RFX6: variants seen among roughly 807,000 people sequenced by gnomAD.
RFX6 encodes the protein DNA-binding protein RFX6.
Under a neutral mutation model 110.8 loss-of-function variants are expected in RFX6, and 50 were observed. That is an observed-to-expected ratio of 0.45 (90% CI 0.36 to 0.57). The LOEUF is 0.57. RFX6 is among the 20% of genes least tolerant of loss of function. The pLI is 0.00. For missense variants in RFX6, 990 were observed against 1,127.0 expected (o/e 0.88, Z 1.74); for synonymous variants, 383 against 411.2 (o/e 0.93, Z 0.83).
At position 116,919,380 on chromosome 6, in the gene RFX6, T is replaced by C. The variant is rs914729205; in HGVS notation, c.1182+84T>C. ...AGAAGGACAGATTGAGGAACTTTCA[T>C]AGATTGAAGGGAGCTAAGTAGACAA... On this transcript the variant is annotated intron_variant, in intron 11 of 18. Coordinates refer to ENST00000332958, the MANE Select transcript of RFX6 (RefSeq NM_173560.4). The C allele has an allele frequency of 1.5e-5, 19 of 1,260,146 alleles. No individual in the cohort carries two copies. The South Asian group carries it at 1.8e-4, about 12-fold the overall frequency. The allele number at this position is 1,260,146 out of a possible 1,614,324, so 78.1% of individuals were successfully genotyped here.
In RFX6 at chr6:116,927,425, C is replaced by G; in HGVS notation, c.2284C>G (p.Gln762Glu). 6.2e-7 allele frequency: 1 copy of G among 1,614,134 alleles called. No homozygotes were observed. The highest frequency in any genetic ancestry group is 8.5e-7 in the Non-Finnish European group (1 of 1,180,008). ...RPPSSYGPSL[Q>E]AQDSHNMQFL... ...ACCGTCTAGCTATGGCCCATCCCTG[C>G]AAGCCCAGGATTCACACAATATGCA... is the stretch of plus-strand genomic sequence containing the variant. Residue 762 changes from glutamine to glutamate, a missense_variant, in exon 17 of 19, where the codon CAA becomes GAA. Physicochemically the swap from Gln to Glu is conservative, Grantham distance 29. Coordinates refer to ENST00000332958, the MANE Select transcript of RFX6 (RefSeq NM_173560.4).
At chr6:116,900,889 A>G (rs1775057091) in intron 6 of RFX6, among the ~76,000 whole-genome samples, 1 of 152,192 alleles carries the variant, frequency 6.6e-6, no homozygotes, top group South Asian at 2.1e-4. Context: ...TATGTAAAGC[A>G]TAACTGGGTA....
intron 10 of RFX6, among the ~76,000 whole-genome samples, chr6:116,918,757 C>A (rs1046445347): frequency 6.6e-6 from 1 of 151,896 alleles, no homozygotes; most frequent in Non-Finnish European, 1.5e-5. Context: ...TTTTATTTAC[C>A]TTTTCCTCCA....
chr6:116,904,236 A>C lies in RFX6; in HGVS notation c.673-6699A>C, dbSNP rs143020922. Reference sequence around the variant, plus strand: ...ATATCGTTTTTTATTTTGAAATTTTAATCTTAAGAGTTCTTTATATGTTCT... The same window carrying C: ...ATATCGTTTTTTATTTTGAAATTTTCATCTTAAGAGTTCTTTATATGTTCT... On this transcript the variant is annotated intron_variant, in intron 6 of 18. Coordinates refer to ENST00000332958, the MANE Select transcript of RFX6 (RefSeq NM_173560.4). 3.4e-3 allele frequency among the ~76,000 whole-genome samples: 522 copies of C among 152,136 alleles called. 1 individual carries two copies. Among genetic ancestry groups the C allele is most frequent in the Non-Finnish European group, 3.6e-3 (245 of 67,928 alleles).
rs1176973814 is a variant in RFX6, at chr6:116,927,051, C to G, written c.1910C>G (p.Ala637Gly). The change falls in exon 17 of 19, where the codon GCT becomes GGT. Residue 637 changes from alanine to glycine, a missense_variant. Coordinates refer to ENST00000332958, the MANE Select transcript of RFX6 (RefSeq NM_173560.4). ...LTGQMELSQI[A>G]GHLMTPPISP... The stretch of plus-strand genomic sequence containing the variant: ...GGTCAAATGGAGCTTTCACAGATTG[C>G]TGGTCATCTGATGACACCACCCATT... 6.2e-7 allele frequency: 1 copy of G among 1,614,040 alleles called. No homozygotes were observed. The highest frequency in any genetic ancestry group is 1.1e-5 in the South Asian group (1 of 91,080).
intron 13 of RFX6, 77 bp downstream of exon 13, chr6:116,922,228 G>A (rs979818569): frequency 8.8e-6 from 7 of 791,992 alleles, no homozygotes; most frequent in South Asian, 8.2e-5. Context: ...TTTTTTGTCT[G>A]GGGGGAGAGG....
At chr6:116,917,374 A>G (rs1402453663) in intron 9 of RFX6, among the ~76,000 whole-genome samples, 2 of 148,304 alleles carry the variant, frequency 1.3e-5, no homozygotes, top group Non-Finnish European at 3.0e-5. Flanking sequence ...TATGAATGCC[A>G]TTATTTAGAG....
chr6:116,877,947 G>A lies in RFX6; in HGVS notation c.375G>A (p.Leu125=). 1 of 1,614,074 alleles carries A rather than the reference G, an allele frequency of 6.2e-7. No individual in the cohort carries two copies. The highest frequency in any genetic ancestry group is 8.5e-7 in the Non-Finnish European group (1 of 1,179,942). The part of the protein sequence containing the change: ...KDKKKQTQLT[L]QWLEENYIVC... Reference sequence around the variant, plus strand: ...AAAAGAAGCAGACACAGCTCACGCTGCAGTGGTGAGACTCGCCCGCAGGGT... The same window carrying A: ...AAAAGAAGCAGACACAGCTCACGCTACAGTGGTGAGACTCGCCCGCAGGGT... Residue 125 remains leucine (L), a synonymous_variant, in exon 2 of 19, where the codon CTG becomes CTA. Coordinates refer to ENST00000332958, the MANE Select transcript of RFX6 (RefSeq NM_173560.4).
At chr6:116,922,402 C>T (rs1775621579) in intron 13 of RFX6, among the ~76,000 whole-genome samples, 1 of 152,150 alleles carries the variant, frequency 6.6e-6, no homozygotes, top group Non-Finnish European at 1.5e-5. Flanking sequence ...GCTCTGCCTT[C>T]CCTATCAGTC....
intron 6 of RFX6, among the ~76,000 whole-genome samples, chr6:116,906,366 G>T (rs189441852): frequency 1.2e-4 from 18 of 152,228 alleles, no homozygotes; most frequent in Non-Finnish European, 2.2e-4. Context: ...AGATTCCATA[G>T]ATATTTTTAG....
In RFX6 at chr6:116,928,954, G is replaced by T; in HGVS notation, c.2594G>T (p.Cys865Phe). 1 of 1,607,952 alleles carries T rather than the reference G, an allele frequency of 6.2e-7. No individual in the cohort carries two copies. The highest frequency in any genetic ancestry group is 8.5e-7 in the Non-Finnish European group (1 of 1,174,308). The change falls in exon 18 of 19, where the codon TGT becomes TTT. Residue 865 changes from cysteine (C) to phenylalanine (F), a missense_variant. By Grantham distance (205) the Cys-to-Phe change is radical. Coordinates refer to ENST00000332958, the MANE Select transcript of RFX6 (RefSeq NM_173560.4). Reference sequence around the variant, plus strand: ...ACAGACACATCATCTCCAGTTGCATGTCGAACTCCAGTCCTAGGTAAATTA... The same window carrying T: ...ACAGACACATCATCTCCAGTTGCATTTCGAACTCCAGTCCTAGGTAAATTA... ...FYTDTSSPVA[C>F]RTPVLASSLQ...
intron 9 of RFX6, among the ~76,000 whole-genome samples, chr6:116,916,657 G>A (rs537783978): frequency 6.6e-6 from 1 of 152,078 alleles, no homozygotes; most frequent in South Asian, 2.1e-4. Flanking sequence ...CACAATGCCA[G>A]TGTTTTGGCA....
chr6:116,912,313 A>G (rs1383619162), intron 7 of RFX6, among the ~76,000 whole-genome samples: 1 of 152,010 alleles, frequency 6.6e-6, no homozygotes, highest in African/African-American at 2.4e-5. Context: ...AAACATGCAT[A>G]TGTACCCTCT....
intron 2 of RFX6, among the ~76,000 whole-genome samples, chr6:116,879,095 C>A (rs1020043874): frequency 1.3e-5 from 2 of 151,732 alleles, no homozygotes; most frequent in Non-Finnish European, 3.0e-5. Context: ...TATTATTGAG[C>A]TGTTTCGAAT....
At chr6:116,928,322 C>G (rs897022602) in intron 17 of RFX6, among the ~76,000 whole-genome samples, 6 of 152,134 alleles carry the variant, frequency 3.9e-5, no homozygotes, top group African/African-American at 1.4e-4. Flanking sequence ...TGGTGTCTTT[C>G]TCCTAAGTGT....
At chr6:116,927,898 A>C (rs758087831) in intron 17 of RFX6, among the ~76,000 whole-genome samples, 1 of 151,402 alleles carries the variant, frequency 6.6e-6, no homozygotes, top group Non-Finnish European at 1.5e-5. Flanking sequence ...ATGCATCACC[A>C]TCCCTGTCTA....
chr6:116,879,325 C>T (rs1475092432), intron 2 of RFX6, among the ~76,000 whole-genome samples: 1 of 151,776 alleles, frequency 6.6e-6, no homozygotes, highest in Non-Finnish European at 1.5e-5. Flanking sequence ...ACATTGTGTA[C>T]ATGTAATTAA....
At chr6:116,889,618 G>A (rs1164101355) in intron 4 of RFX6, among the ~76,000 whole-genome samples, 1 of 151,968 alleles carries the variant, frequency 6.6e-6, no homozygotes, top group Non-Finnish European at 1.5e-5. Context: ...AAAACCAAAG[G>A]TACCACCGTG....
chr6:116,918,473 A>C (rs1775521384), intron 10 of RFX6, among the ~76,000 whole-genome samples: 1 of 151,970 alleles, frequency 6.6e-6, no homozygotes, highest in Non-Finnish European at 1.5e-5. Flanking sequence ...ACAAAATCAG[A>C]AAGTGGCATG....
Sources: allele counts gnomAD v4.1 joint callset (sites outside exome capture counted in the v4.1 genomes callset), GRCh38; gene constraint gnomAD v4.1.1; transcripts MANE v1.5; gene names NCBI Gene and HGNC (gene_info 2026-07-23, HGNC 2026-07-21).